The following WDR12 variants were observed in gnomAD, a reference collection of about 807,000 sequenced individuals.
The protein encoded by WDR12 is ribosome biogenesis protein WDR12.
Under a neutral mutation model 64.3 loss-of-function variants are expected in WDR12, and 42 were observed. The observed-to-expected ratio is 0.65, with a 90% CI of 0.51 to 0.84. The LOEUF (loss-of-function observed/expected upper bound fraction) is 0.84, where lower values mean the gene tolerates loss of function less well. Ranked by LOEUF, WDR12 falls within the 40% of genes least tolerant of loss-of-function variation. The pLI is 0.00. For synonymous variants in WDR12, 158 were observed against 173.3 expected (o/e 0.91, Z 0.70); for missense variants, 469 against 494.6 (o/e 0.95, Z 0.49).
intron 8 of WDR12, among the ~76,000 whole-genome samples, chr2:202,889,831 G>T (rs7573064): frequency 0.014 from 2,091 of 151,772 alleles, 20 homozygotes; most frequent in Non-Finnish European, 0.023. Flanking sequence ...CGTGAGGATT[G>T]TGTGAGCCCT....
At chr2:202,898,100 C>G (rs1413405460) in intron 4 of WDR12, among the ~76,000 whole-genome samples, 6 of 150,940 alleles carry the variant, frequency 4.0e-5, no homozygotes, top group Admixed American at 2.6e-4. Context: ...ATCCTACATC[C>G]AAAATACTTC....
chr2:202,885,813 G>A (rs776067487), intron 8 of WDR12, among the ~76,000 whole-genome samples: 3 of 152,106 alleles, frequency 2.0e-5, no homozygotes, highest in East Asian at 1.9e-4. Context: ...TAGTCTCAAC[G>A]CTTTGGGAGG....
chr2:202,886,660 A>G (rs1480291712), intron 8 of WDR12, among the ~76,000 whole-genome samples: 21 of 149,624 alleles, frequency 1.4e-4, no homozygotes, highest in African/African-American at 5.2e-4. Flanking sequence ...CCAGCTACTC[A>G]GGAGGCTGAG....
chr2:202,901,847 GT>G (rs1688354163), intron 2 of WDR12, among the ~76,000 whole-genome samples: 4 of 151,956 alleles, frequency 2.6e-5, no homozygotes, highest in Admixed American at 2.6e-4. Flanking sequence ...AGATTTCAGG[GT>G]TTTTTGGGTT....
At position 202,907,042 on chromosome 2, in the gene WDR12, G is replaced by A. The variant is rs190883276; in HGVS notation, c.136+823C>T. ...TGGCTCACTGCAACCTCCGCCTCCC[G>A]GGTTCAAGCAATTCTCCTGCCTCAG... On this transcript the variant is annotated intron_variant, in intron 2 of 12. Transcript: ENST00000261015. Among the ~76,000 whole-genome samples the A allele has an allele frequency of 4.4e-4, 67 of 151,326 alleles. 2 individuals are homozygous for A. The East Asian group carries it at 0.011, about 25-fold the overall frequency.
rs902489611 is a variant in WDR12 at position 202,894,760 on chromosome 2, C to G, written c.610-134G>C. 3 of 647,716 alleles carry G rather than the reference C, an allele frequency of 4.6e-6. No individual in the cohort carries two copies. The African/African-American group carries it at 5.7e-5, about 12-fold the overall frequency. The allele number at this position is 647,716 out of a possible 1,614,324, so 40.1% of individuals were successfully genotyped here. A position where few individuals can be genotyped will look rare whatever the true frequency, so the allele number is the denominator to read the frequency against. ...CCACAGAACTGAAATTAGCCTTTTT[C>G]CAGGGGCAGATAGGACAGAACATAA... On this transcript the variant is annotated intron_variant, in intron 6 of 12. Transcript: ENST00000261015.
chr2:202,883,726 G>A lies in WDR12; in HGVS notation c.1004C>T (p.Ser335Leu), dbSNP rs757965964. 1.4e-5 allele frequency: 22 copies of A among 1,613,944 alleles called. No homozygotes were observed. The highest frequency in any genetic ancestry group is 6.7e-5 in the East Asian group (3 of 44,896). The part of the protein sequence containing the change: ...DPRTKDGSLV[S>L]LSLTSHTGWV... ...ACCAGTATGTGACGTTAGGGACAGC[G>A]ACACCAAAGAACCATCTGAACAAAG... is the stretch of plus-strand genomic sequence containing the variant. The change falls in exon 11 of 13, where the codon TCG becomes TTG. Residue 335 changes from serine (S) to leucine (L), a missense_variant. Physicochemically the swap from Ser to Leu is moderately radical, Grantham distance 145. Coordinates refer to ENST00000261015, the MANE Select transcript of WDR12 (RefSeq NM_018256.4).
At chr2:202,902,331 C>T (rs1157145102) in intron 2 of WDR12, among the ~76,000 whole-genome samples, 1 of 152,134 alleles carries the variant, frequency 6.6e-6, no homozygotes, top group African/African-American at 2.4e-5. Context: ...CAATGTAATA[C>T]ACTGTGATGG....
At chr2:202,904,262 C>T (rs921338510) in intron 2 of WDR12, among the ~76,000 whole-genome samples, 7 of 150,748 alleles carry the variant, frequency 4.6e-5, no homozygotes, top group Non-Finnish European at 1.0e-4. Context: ...TTAAAATGTC[C>T]ATAGTACCCA....
chr2:202,902,949 C>T (rs1057260868), intron 2 of WDR12, among the ~76,000 whole-genome samples: 19 of 152,194 alleles, frequency 1.2e-4, no homozygotes, highest in African/African-American at 4.6e-4. Context: ...TGTGGTGGCA[C>T]GCGCCTGTAA....
At chr2:202,889,384 A>G (rs1199207201) in intron 8 of WDR12, among the ~76,000 whole-genome samples, 2 of 152,198 alleles carry the variant, frequency 1.3e-5, no homozygotes, top group African/African-American at 2.4e-5. Context: ...AAAAAAATCA[A>G]TAAGTAAAAT....
rs908171754 is a variant in WDR12, at chr2:202,876,142, C to G, written c.*4718G>C. On this transcript the variant is annotated 3_prime_UTR_variant, in exon 13 of 13. Transcript: ENST00000261015. ...CAGTGGCTCATGCCTGTAATCTTAG[C>G]ACTTTTGAGGCCAAGGTGAGATGAT... is the stretch of plus-strand genomic sequence containing the variant. 1 of 152,146 alleles carries G rather than the reference C, an allele frequency of 6.6e-6. No homozygotes were observed. The highest frequency in any genetic ancestry group is 2.4e-5 in the African/African-American group (1 of 41,420). 9.4% of individuals were successfully genotyped at this position (152,146 alleles called of 1,614,324 possible). A position where few individuals can be genotyped will look rare whatever the true frequency, so the allele number is the denominator to read the frequency against.
chr2:202,884,144 T>A, intron 10 of WDR12, 54 bp downstream of exon 10: 1 of 1,556,052 alleles, frequency 6.4e-7, no homozygotes, highest in Admixed American at 1.7e-5. Context: ...TCCAGAGAGA[T>A]GAGAAATAGA....
intron 10 of WDR12, 26 bp from the exon 11 acceptor site, chr2:202,883,767 T>C (rs745679314): frequency 8.1e-6 from 13 of 1,600,114 alleles, no homozygotes; most frequent in South Asian, 3.4e-5. Context: ...AAGACAAGCG[T>C]TGAATTTTAG....
chr2:202,902,880 G>T (rs1688374592), intron 2 of WDR12, among the ~76,000 whole-genome samples: 1 of 152,138 alleles, frequency 6.6e-6, no homozygotes, highest in Non-Finnish European at 1.5e-5. Context: ...TTCAAGACCA[G>T]CCTGACCAGC....
intron 11 of WDR12, chr2:202,883,394 C>G (rs1687989326): frequency 4.5e-6 from 2 of 443,846 alleles, no homozygotes; most frequent in Non-Finnish European, 8.1e-6. Context: ...CCTCAGCCTT[C>G]CAAAGTGCTG....
At chr2:202,909,750 A>C (rs1688532933) in intron 1 of WDR12, among the ~76,000 whole-genome samples, 1 of 152,034 alleles carries the variant, frequency 6.6e-6, no homozygotes, top group African/African-American at 2.4e-5. Context: ...TACTGACCAT[A>C]ATATTAAGCA....
chr2:202,911,387 G>A, intron 1 of WDR12, 49 bp downstream of exon 1: 1 of 1,587,258 alleles, frequency 6.3e-7, no homozygotes, highest in Non-Finnish European at 8.7e-7. Flanking sequence ...CAAAGGGGTG[G>A]TCGGAAAGGA....
chr2:202,884,959 CCT>C (rs1309847880), intron 8 of WDR12, among the ~76,000 whole-genome samples: 5 of 152,188 alleles, frequency 3.3e-5, no homozygotes, highest in Admixed American at 1.3e-4. Context: ...TTTCTCCCCC[CCT>C]CTTTTCTTCT....
Sources: gnomAD v4.1 joint callset for allele counts (sites outside exome capture counted in the v4.1 genomes callset) on GRCh38, gnomAD v4.1.1 for gene constraint, MANE v1.5 for transcripts, NCBI Gene and HGNC (gene_info 2026-07-23, HGNC 2026-07-21) for gene names.